KAT2A: variants seen among roughly 807,000 people sequenced by gnomAD.
KAT2A encodes lysine acetyltransferase 2A.
KAT2A carries 42 observed loss-of-function variants against 95.2 expected under a neutral mutation model. The observed-to-expected ratio is 0.44, with a 90% CI of 0.34 to 0.57. The LOEUF (loss-of-function observed/expected upper bound fraction) is 0.57. KAT2A is among the 20% of genes least tolerant of loss of function. The pLI is 0.01. For missense variants in KAT2A, 784 were observed against 1,126.3 expected, an observed-to-expected ratio of 0.70 and a Z score of 4.35; for synonymous variants, 449 against 448.2, an observed-to-expected ratio of 1.00 and a Z score of -0.02.
chr17:42,117,710 T>C lies in KAT2A; in HGVS notation c.1396A>G (p.Ile466Val). 3 of 1,613,128 alleles carry C rather than the reference T, an allele frequency of 1.9e-6. No homozygotes were observed. The highest frequency in any genetic ancestry group is 2.5e-6 in the Non-Finnish European group (3 of 1,179,506). ...CCCAGCATGGCAGCAGGGTCAGTGA[T>C]GGTCAGCATGACCTCATTGACCAGC... ...MELVNEVMLTITDPAAMLGPE... is the reference protein window; with the variant it reads ...MELVNEVMLTVTDPAAMLGPE... Residue 466 changes from isoleucine (I) to valine (V), a missense_variant, in exon 9 of 18, where the codon ATC becomes GTC. By Grantham distance (29) the Ile-to-Val change is conservative. Coordinates refer to ENST00000225916, the MANE Select transcript of KAT2A (RefSeq NM_021078.3). The surrounding 1 kb of genome is among the most constrained non-coding windows in gnomAD (Gnocchi z 8.9).
chr17:42,120,317 G>A lies in KAT2A; in HGVS notation c.517C>T (p.Leu173=). 1.2e-6 allele frequency: 2 copies of A among 1,614,180 alleles called. No homozygotes were observed. Among genetic ancestry groups the A allele is most frequent in the Middle Eastern group, 1.6e-4 (1 of 6,062 alleles). ...TTCTCCACATCCACCACCATCCCCAGCAGTCGGTTTATCTCATCCTCTGAC... is the reference window on the plus strand; with the variant it reads ...TTCTCCACATCCACCACCATCCCCAACAGTCGGTTTATCTCATCCTCTGAC... ...NVSEDEINRL[L]GMVVDVENLF... is the part of the protein sequence containing the mutation. Residue 173 remains leucine (L), a synonymous_variant, in exon 3 of 18, where the codon CTG becomes TTG. Coordinates refer to ENST00000225916, the MANE Select transcript of KAT2A (RefSeq NM_021078.3).
At position 42,114,021 on chromosome 17, in the gene KAT2A, C is replaced by G; in HGVS notation, c.2299G>C (p.Glu767Gln). ...VKKSEAPDYY[E>Q]VIRFPIDLKT... The stretch of plus-strand genomic sequence containing the variant: ...TCACCAATGGGGAAGCGGATGACCT[C>G]GTAGTAGTCAGGGGCCTCCGACTTC... The change falls in exon 17 of 18, where the codon GAG becomes CAG. Residue 767 changes from glutamate to glutamine, a missense_variant. This residue lies in a region of KAT2A where 195 missense variants were observed against 247.1 expected (regional missense o/e 0.79). Coordinates refer to ENST00000225916, the MANE Select transcript of KAT2A (RefSeq NM_021078.3). This position sits in a 1 kb window ranked among gnomAD's most constrained non-coding sequence, Gnocchi z 6.0. 6.6e-7 allele frequency: 1 copy of G among 1,518,436 alleles called. No homozygotes were observed. The highest frequency in any genetic ancestry group is 8.8e-7 in the Non-Finnish European group (1 of 1,138,688). The allele number at this position is 1,518,436 out of a possible 1,614,324, so 94.1% of individuals were successfully genotyped here.
chr17:42,114,189 G>T lies in KAT2A; in HGVS notation c.2235+30C>A. ...AAGAGGCCACAGCCATTGGTGCAGG[G>T]GCCCTGGAAAGGAAACCTGGTCTCC... On this transcript the variant is annotated intron_variant, in intron 16 of 17. Coordinates refer to ENST00000225916, the MANE Select transcript of KAT2A (RefSeq NM_021078.3). This position sits in a 1 kb window ranked among gnomAD's most constrained non-coding sequence, Gnocchi z 6.0. 2 of 1,589,394 alleles carry T rather than the reference G, an allele frequency of 1.3e-6. No individual in the cohort carries two copies. The highest frequency in any genetic ancestry group is 1.1e-5 in the South Asian group (1 of 89,266).
Position 42,119,096 on chromosome 17 carries a change from TG to T in KAT2A, c.1073+148del. On this transcript the variant is annotated intron_variant, in intron 6 of 17. Coordinates refer to ENST00000225916, the MANE Select transcript of KAT2A (RefSeq NM_021078.3). The surrounding 1 kb of genome is among the most constrained non-coding windows in gnomAD (Gnocchi z 5.3). ...GTACTAGCAAGTTGCTTCTGGGCCA[TG>T]GGCAAGTCTGCCAGGTAGACGCCCA... 1 of 1,496,056 alleles carries T rather than the reference TG, an allele frequency of 6.7e-7. No homozygotes were observed. Among genetic ancestry groups the T allele is most frequent in the Non-Finnish European group, 8.9e-7 (1 of 1,124,436 alleles). The allele number at this position is 1,496,056 out of a possible 1,614,324, so 92.7% of individuals were successfully genotyped here.
chr17:42,120,038 T>C lies in KAT2A; in HGVS notation c.691A>G (p.Ile231Val). 1 of 1,613,282 alleles carries C rather than the reference T, an allele frequency of 6.2e-7. No individual in the cohort carries two copies. The highest frequency in any genetic ancestry group is 8.5e-7 in the Non-Finnish European group (1 of 1,179,336). Residue 231 changes from isoleucine to valine, a missense_variant, in exon 4 of 18, where the codon ATT becomes GTT. Ile to Val is a conservative substitution (Grantham distance 29). Around this residue, in one of 6 missense-constraint regions of KAT2A, gnomAD observed 208 missense variants for 339.7 expected, o/e 0.61. Transcript: ENST00000225916. ...CAATTCCCCTATCTCACCTGCTCAA[T>C]ATTAGGTTTCTCAAATGGAGGGCTG... The part of the protein sequence containing the change: ...LGSPPFEKPN[I>V]EQGVLNFVQY...
rs1184774024 is a variant in KAT2A, at chr17:42,119,828, C to CCT, written c.700-112_700-111dup. On this transcript the variant is annotated intron_variant, in intron 4 of 17. Transcript: ENST00000225916. This position sits in a 1 kb window ranked among gnomAD's most constrained non-coding sequence, Gnocchi z 5.3. ...TGGCCAGGGACAAGGTTCTCCTTCTCCTCTCTCTCTCGGGTGCTCTCTATA... is the reference window on the plus strand; with the variant it reads ...TGGCCAGGGACAAGGTTCTCCTTCTCCTCTCTCTCTCTCGGGTGCTCTCTATA... The CCT allele has an allele frequency of 9.5e-6, 10 of 1,055,982 alleles. No individual in the cohort carries two copies. Among genetic ancestry groups the CCT allele is most frequent in the African/African-American group, 4.8e-5 (3 of 62,198 alleles). 65.4% of individuals were successfully genotyped at this position (1,055,982 alleles called of 1,614,324 possible). A position where few individuals can be genotyped will look rare whatever the true frequency, so the allele number is the denominator to read the frequency against.
chr17:42,117,478 A>G lies in KAT2A; in HGVS notation c.1547T>C (p.Val516Ala), dbSNP rs1555666206. The stretch of plus-strand genomic sequence containing the variant: ...CTGCAGCCCCACGAGCCACAGCAAC[A>G]CCCGCCGGTTGGCCTTGGGCGTCAG... ...NSLTPKANRR[V>A]LLWLVGLQNV... is the part of the protein sequence containing the mutation. The change falls in exon 10 of 18, where the codon GTG becomes GCG. Residue 516 changes from valine (V) to alanine (A), a missense_variant. Coordinates refer to ENST00000225916, the MANE Select transcript of KAT2A (RefSeq NM_021078.3). The surrounding 1 kb of genome is among the most constrained non-coding windows in gnomAD (Gnocchi z 8.9). 1 of 1,613,132 alleles carries G rather than the reference A, an allele frequency of 6.2e-7. No homozygotes were observed. The highest frequency in any genetic ancestry group is 2.2e-5 in the East Asian group (1 of 44,854).
Position 42,117,545 on chromosome 17 carries a change from C to T in KAT2A, c.1480G>A (p.Glu494Lys). 1 of 1,613,432 alleles carries T rather than the reference C, an allele frequency of 6.2e-7. No individual in the cohort carries two copies. The highest frequency in any genetic ancestry group is 8.5e-7 in the Non-Finnish European group (1 of 1,180,032). Reference protein sequence around the residue: ...AARDETARLEERRGIIEFHVI... With the variant: ...AARDETARLEKRRGIIEFHVI... ...TGGAACTCGATGATGCCGCGGCGCTCCTCCAGGCGGGCTGTCTCATCCCGG... is the reference window on the plus strand; with the variant it reads ...TGGAACTCGATGATGCCGCGGCGCTTCTCCAGGCGGGCTGTCTCATCCCGG... The change falls in exon 10 of 18, where the codon GAG (glutamate) becomes AAG (lysine). Residue 494 changes from glutamate to lysine, a missense_variant. By Grantham distance (56) the Glu-to-Lys change is moderately conservative. Coordinates refer to ENST00000225916, the MANE Select transcript of KAT2A (RefSeq NM_021078.3). This position sits in a 1 kb window ranked among gnomAD's most constrained non-coding sequence, Gnocchi z 8.9.
At position 42,119,021 on chromosome 17, in the gene KAT2A, C is replaced by T. The variant is rs969062647; in HGVS notation, c.1073+224G>A. On this transcript the variant is annotated intron_variant, in intron 6 of 17. Transcript: ENST00000225916. This position sits in a 1 kb window ranked among gnomAD's most constrained non-coding sequence, Gnocchi z 5.3. Reference sequence around the variant, plus strand: ...AGTAACATCTACTGGGGCGTAGGGTCGGGTGGGGGCAGCGTTAGCTTGGGC... The same window carrying T: ...AGTAACATCTACTGGGGCGTAGGGTTGGGTGGGGGCAGCGTTAGCTTGGGC... 116 of 1,367,224 alleles carry T rather than the reference C, an allele frequency of 8.5e-5. No individual in the cohort carries two copies. The highest frequency in any genetic ancestry group is 1.0e-4 in the Non-Finnish European group (109 of 1,062,514). The allele number at this position is 1,367,224 out of a possible 1,614,324, so 84.7% of individuals were successfully genotyped here.
intron 11 of KAT2A, among the ~76,000 whole-genome samples, chr17:42,116,364 G>A (rs1210763534): frequency 3.3e-5 from 5 of 152,226 alleles, no homozygotes; most frequent in Non-Finnish European, 7.3e-5. Context: ...GAGACCCTAC[G>A]AGTGGGTCTG....
Position 42,114,136 on chromosome 17 carries a change from G to A in KAT2A, c.2236-52C>T, listed in dbSNP as rs375465310. ...AGCCCTGCTGCGCCCACGCCAGCCCGAGACCACTACCCACCCCACACTGCA... is the reference window on the plus strand; with the variant it reads ...AGCCCTGCTGCGCCCACGCCAGCCCAAGACCACTACCCACCCCACACTGCA... On this transcript the variant is annotated intron_variant, in intron 16 of 17. Transcript: ENST00000225916. The surrounding 1 kb of genome is among the most constrained non-coding windows in gnomAD (Gnocchi z 6.0). 292 of 1,575,818 alleles carry A rather than the reference G, an allele frequency of 1.9e-4. No homozygotes were observed. Among genetic ancestry groups the A allele is most frequent in the Non-Finnish European group, 2.2e-4 (261 of 1,164,136 alleles).
At position 42,121,234 on chromosome 17, in the gene KAT2A, G is replaced by A. The variant is rs1187480825; in HGVS notation, c.71C>T (p.Pro24Leu). The change falls in exon 1 of 18, where the codon CCT becomes CTT. Residue 24 changes from proline to leucine, a missense_variant. This residue lies in a region of KAT2A where 142 missense variants were observed against 123.2 expected (regional missense o/e 1.15). Coordinates refer to ENST00000225916, the MANE Select transcript of KAT2A (RefSeq NM_021078.3). ...AQPRPLQSPA[P>L]APTPTPAPSP... is the part of the protein sequence containing the mutation. ...GGGTGCAGGAGTCGGAGTTGGGGCAGGGGCTGGGGACTGAAGGGGCCGGGG... is the reference window on the plus strand; with the variant it reads ...GGGTGCAGGAGTCGGAGTTGGGGCAAGGGCTGGGGACTGAAGGGGCCGGGG... 5 of 1,358,478 alleles carry A rather than the reference G, an allele frequency of 3.7e-6. No homozygotes were observed. In the African/African-American group the frequency reaches 6.1e-5, roughly 17 times the overall value. The allele number at this position is 1,358,478 out of a possible 1,614,324, so 84.2% of individuals were successfully genotyped here.
intron 6 of KAT2A, 49 bp from the exon 7 acceptor site, chr17:42,118,452 G>C: frequency 3.0e-6 from 4 of 1,329,714 alleles, no homozygotes; most frequent in Non-Finnish European, 3.3e-6. Context: ...CCAGGGTGCA[G>C]CCTGGGCCAG....
chr17:42,118,986 G>A, intron 6 of KAT2A: 3 of 1,278,748 alleles, frequency 2.3e-6, no homozygotes, highest in Non-Finnish European at 2.0e-6. Flanking sequence ...GGCCCCCATG[G>A]GAAACAATTA....
At chr17:42,120,171 A>G (rs1555667008) in intron 3 of KAT2A, 52 bp from the exon 4 acceptor site, 2 of 1,613,522 alleles carry the variant, frequency 1.2e-6, no homozygotes, top group South Asian at 2.2e-5. Context: ...AGCTGCAGAC[A>G]ACCCCTCAAG....
chr17:42,121,261 T>G lies in KAT2A; in HGVS notation c.44A>C (p.Gln15Pro). 7.4e-7 allele frequency: 1 copy of G among 1,345,744 alleles called. No individual in the cohort carries two copies. Among genetic ancestry groups the G allele is most frequent in the Non-Finnish European group, 9.6e-7 (1 of 1,042,124 alleles). The allele number at this position is 1,345,744 out of a possible 1,614,324, so 83.4% of individuals were successfully genotyped here. A position where few individuals can be genotyped will look rare whatever the true frequency, so the allele number is the denominator to read the frequency against. Residue 15 changes from glutamine to proline, a missense_variant, in exon 1 of 18, where the codon CAG becomes CCG. Transcript: ENST00000225916. ...GGCTGGGGACTGAAGGGGCCGGGGC[T>G]GCGCAGCCGGGGCCGGGGTCGGGGC... is the stretch of plus-strand genomic sequence containing the variant. ...SQAPTPAPAA[Q>P]PRPLQSPAPA...
At chr17:42,118,973 C>T (rs2054299146) in intron 6 of KAT2A, 1 of 1,240,080 alleles carries the variant, frequency 8.1e-7, no homozygotes, top group Admixed American at 3.8e-5. Flanking sequence ...GAGGCTGTGT[C>T]CAGGCCCCCA....
rs1442309573 is a variant in KAT2A at position 42,120,958 on chromosome 17, G to T, written c.339+8C>A. The T allele has an allele frequency of 1.3e-6, 1 of 741,588 alleles. No homozygotes were observed. Among genetic ancestry groups the T allele is most frequent in the Non-Finnish European group, 2.1e-6 (1 of 485,262 alleles). 45.9% of individuals were successfully genotyped at this position (741,588 alleles called of 1,614,324 possible). ...GCCCCGCCCCTTCACCCCAGGCCCC[G>T]CCCCCACCTTGCAAGCCGAGAAGAC... is the stretch of plus-strand genomic sequence containing the variant. On this transcript the variant is annotated splice_region_variant and intron_variant, in intron 1 of 17. Transcript: ENST00000225916.
intron 12 of KAT2A, 44 bp from the exon 13 acceptor site, chr17:42,115,079 C>T (rs1555665699): frequency 1.2e-6 from 2 of 1,600,548 alleles, no homozygotes; most frequent in East Asian, 4.5e-5. Flanking sequence ...ATAAGTATTT[C>T]CCAACTTCTG....
Sources: allele counts gnomAD v4.1 joint callset (sites outside exome capture counted in the v4.1 genomes callset), GRCh38; gene constraint gnomAD v4.1.1; regional missense constraint gnomAD v4.1.1; non-coding constraint Gnocchi (gnomAD v3.1); transcripts MANE v1.5; gene names NCBI Gene and HGNC (gene_info 2026-07-23, HGNC 2026-07-21).